Variants in OCA2 observed in about 807,000 individuals in gnomAD.
OCA2 encodes P protein.
Under a neutral mutation model 100.2 loss-of-function variants are expected in OCA2, and 77 were observed. The ratio of observed to expected loss-of-function variants is 0.77; its 90% CI spans 0.64 to 0.93. OCA2 has a LOEUF of 0.93. Among genes scored for constraint, OCA2 ranks in the 40% least tolerant of loss-of-function variants. OCA2 has a pLI of 0.00. For missense variants in OCA2, 1,062 were observed against 1,089.1 expected (o/e 0.98, Z 0.35); for synonymous variants, 432 against 439.2 (o/e 0.98, Z 0.21).
chr15:27,787,641 T>C (rs1468491367), intron 23 of OCA2, among the ~76,000 whole-genome samples: 1 of 151,986 alleles, frequency 6.6e-6, no homozygotes, highest in African/African-American at 2.4e-5. Context: ...TTTTCCTTTA[T>C]TAGTCTCATG....
intron 23 of OCA2, among the ~76,000 whole-genome samples, chr15:27,794,380 C>T (rs987509418): frequency 3.3e-5 from 5 of 152,114 alleles, no homozygotes; most frequent in Admixed American, 3.3e-4. Flanking sequence ...AAGAACGGGC[C>T]GTGGAACTGG....
intron 14 of OCA2, among the ~76,000 whole-genome samples, chr15:27,980,272 C>A (rs1166041061): frequency 6.6e-6 from 1 of 152,050 alleles, no homozygotes; most frequent in Non-Finnish European, 1.5e-5. Context: ...GGACTACAGG[C>A]ACCCAATACC....
In OCA2 at chr15:28,010,729, G is replaced by C. The variant is rs537055877; in HGVS notation, c.1044+4047C>G. ...AAATAAATACTATGTTTAGGGACTA[G>C]AAGGCCATTCTAAAATGTGGATGTC... On this transcript the variant is annotated intron_variant, in intron 9 of 23. Coordinates refer to ENST00000354638, the MANE Select transcript of OCA2 (RefSeq NM_000275.3). 1.6e-4 allele frequency among the ~76,000 whole-genome samples: 25 copies of C among 152,280 alleles called. No individual in the cohort carries two copies. The South Asian group carries it at 5.2e-3, about 32-fold the overall frequency.
chr15:27,814,841 C>G (rs1273894595), intron 23 of OCA2, among the ~76,000 whole-genome samples: 1 of 151,802 alleles, frequency 6.6e-6, no homozygotes, highest in African/African-American at 2.4e-5. Context: ...CAAGATTGTG[C>G]CGCTACACTC....
At chr15:27,873,951 T>C (rs759065900) in intron 19 of OCA2, among the ~76,000 whole-genome samples, 57 of 152,186 alleles carry the variant, frequency 3.7e-4, no homozygotes, top group Non-Finnish European at 6.6e-4. Context: ...GTCTCCTTCA[T>C]CAGCTTATAC....
intron 23 of OCA2, among the ~76,000 whole-genome samples, chr15:27,842,910 C>A (rs2035394288): frequency 6.6e-6 from 1 of 152,342 alleles, no homozygotes. Context: ...ACATGCATCA[C>A]CCACTGGAGC....
intron 23 of OCA2, among the ~76,000 whole-genome samples, chr15:27,808,269 C>T (rs966143814): frequency 2.0e-5 from 3 of 152,206 alleles, no homozygotes; most frequent in African/African-American, 7.2e-5. Flanking sequence ...CATGAATGCC[C>T]AGAACAGCCG....
chr15:28,032,963 G>A (rs1347151015), intron 2 of OCA2, among the ~76,000 whole-genome samples: 1 of 152,174 alleles, frequency 6.6e-6, no homozygotes, highest in Non-Finnish European at 1.5e-5. Flanking sequence ...GGAATGAGAC[G>A]ACAATCAGAA....
chr15:27,748,308 G>T, the OCA2 span, among the ~76,000 whole-genome samples: 1 of 152,174 alleles, frequency 6.6e-6, no homozygotes, highest in East Asian at 1.9e-4. Flanking sequence ...CTGCTCCATA[G>T]TTGGGGGAGA....
At chr15:28,004,722 G>A (rs2042038150) in intron 9 of OCA2, among the ~76,000 whole-genome samples, 1 of 151,622 alleles carries the variant, frequency 6.6e-6, no homozygotes, top group South Asian at 2.1e-4. Context: ...AGACACAACA[G>A]AGTCACACTC....
intron 23 of OCA2, among the ~76,000 whole-genome samples, chr15:27,818,074 T>C (rs1209782665): frequency 6.6e-6 from 1 of 152,170 alleles, no homozygotes; most frequent in Non-Finnish European, 1.5e-5. Flanking sequence ...CTAAACATTA[T>C]CAGGTACTAG....
chr15:27,952,278 T>A (rs2040057375), intron 17 of OCA2, among the ~76,000 whole-genome samples: 1 of 152,160 alleles, frequency 6.6e-6, no homozygotes, highest in Non-Finnish European at 1.5e-5. Flanking sequence ...GACTCCCAGA[T>A]AAGGCTCTGG....
intron 23 of OCA2, among the ~76,000 whole-genome samples, chr15:27,818,138 CCAG>C (rs1457304262): frequency 1.3e-5 from 2 of 152,088 alleles, no homozygotes; most frequent in Non-Finnish European, 2.9e-5. Context: ...ACCTGTAATC[CCAG>C]CACTCTGGGA....
intron 14 of OCA2, among the ~76,000 whole-genome samples, chr15:27,980,717 C>T (rs941680350): frequency 1.3e-5 from 2 of 152,326 alleles, no homozygotes; most frequent in African/African-American, 4.8e-5. Context: ...TGCCTTCACA[C>T]GTGCATTATC....
In OCA2 at chr15:27,871,136, T is replaced by C. The variant is rs41304383; in HGVS notation, c.2244+18A>G. 0.039 allele frequency: 62,612 copies of C among 1,592,268 alleles called. 1,436 individuals are homozygous for C. Among genetic ancestry groups the C allele is most frequent in the Middle Eastern group, 0.075 (451 of 6,042 alleles). On this transcript the variant is annotated intron_variant, in intron 21 of 23. Coordinates refer to ENST00000354638, the MANE Select transcript of OCA2 (RefSeq NM_000275.3). ...CCAGGCTAAAGTTGAGCCGTCGACA[T>C]GGACATGTGCAACTCACCATGGTAG...
At chr15:27,854,355 A>G (rs1223367353) in intron 21 of OCA2, among the ~76,000 whole-genome samples, 2 of 152,132 alleles carry the variant, frequency 1.3e-5, no homozygotes, top group Non-Finnish European at 2.9e-5. Context: ...GCTACTGCAC[A>G]TGTCTCCACC....
intron 21 of OCA2, among the ~76,000 whole-genome samples, chr15:27,869,384 G>A (rs76514610): frequency 0.016 from 2,408 of 152,316 alleles, 57 homozygotes; most frequent in African/African-American, 0.051. Flanking sequence ...TGTATTTCTT[G>A]ATAAAACACA....
intron 2 of OCA2, among the ~76,000 whole-genome samples, chr15:28,060,538 C>G (rs1419942680): frequency 6.6e-6 from 1 of 152,154 alleles, no homozygotes; most frequent in Non-Finnish European, 1.5e-5. Flanking sequence ...GAGGTAACAG[C>G]AGGAATGGCA....
the OCA2 span, among the ~76,000 whole-genome samples, chr15:27,731,083 C>T: frequency 1.3e-5 from 2 of 152,028 alleles, no homozygotes; most frequent in Non-Finnish European, 2.9e-5. Context: ...ATTCTCAGTT[C>T]CTATGACTTA....
Sources: allele counts gnomAD v4.1 joint callset (sites outside exome capture counted in the v4.1 genomes callset), GRCh38; gene constraint gnomAD v4.1.1; transcripts MANE v1.5; gene names NCBI Gene and HGNC (gene_info 2026-07-23, HGNC 2026-07-21).